The following COBLL1 variants were observed in gnomAD, a reference collection of about 807,000 sequenced individuals.
The protein encoded by COBLL1 is cordon-bleu WH2 repeat protein like 1.
In COBLL1, 50 loss-of-function variants were observed where a neutral mutation model predicts 94.8. The ratio of observed to expected loss-of-function variants is 0.53; its 90% CI spans 0.42 to 0.67. The LOEUF (loss-of-function observed/expected upper bound fraction) is 0.67. COBLL1 is among the 30% of genes least tolerant of loss of function. The pLI, the probability that COBLL1 is intolerant of heterozygous loss-of-function variation, is 0.00. For synonymous variants in COBLL1, 448 were observed against 473.8 expected, an observed-to-expected ratio of 0.95 and a Z score of 0.71; for missense variants, 1,362 against 1,348.7, an observed-to-expected ratio of 1.01 and a Z score of -0.15.
chr2:164,803,792 C>T (rs1260838960), intron 2 of COBLL1, among the ~76,000 whole-genome samples: 8 of 151,826 alleles, frequency 5.3e-5, no homozygotes, highest in Admixed American at 5.2e-4. Context: ...GGTAGTAAGC[C>T]CTAGAGGTAC....
At chr2:164,751,959 A>G (rs1050995685) in intron 2 of COBLL1, among the ~76,000 whole-genome samples, 12 of 152,144 alleles carry the variant, frequency 7.9e-5, no homozygotes, top group African/African-American at 2.9e-4. Context: ...ATTATGATTA[A>G]TATCAGAAAA....
At position 164,700,610 on chromosome 2, in the gene COBLL1, C is replaced by T. The variant is rs377116547; in HGVS notation, c.1372G>A (p.Asp458Asn). 6.2e-5 allele frequency: 100 copies of T among 1,613,722 alleles called. No individual in the cohort carries two copies. The South Asian group carries it at 1.0e-3, about 16-fold the overall frequency. ...CCATTGCCAAGGGCTGAGTCAGGAT[C>T]ATTTTTCAGTGTATTTATTATATCA... ...STDIINTLKNDPDSALGNGSG... is the reference protein window; with the variant it reads ...STDIINTLKNNPDSALGNGSG... The change falls in exon 10 of 14, where the codon GAT becomes AAT. Residue 458 changes from aspartate (D) to asparagine (N), a missense_variant. Transcript: ENST00000652658.
chr2:164,692,087 A>G (rs1222756100), intron 13 of COBLL1, 134 bp downstream of exon 13: 3 of 728,166 alleles, frequency 4.1e-6, no homozygotes, highest in Non-Finnish European at 6.4e-6. Flanking sequence ...CTTTCAGCTT[A>G]TACTTCAAAG....
At chr2:164,696,609 C>A (rs1278707813) in intron 11 of COBLL1, 1 of 152,172 alleles carries the variant, frequency 6.6e-6, no homozygotes, top group African/African-American at 2.4e-5. Context: ...TAACCTTCCT[C>A]TCCCTTGCAC....
intron 1 of COBLL1, among the ~76,000 whole-genome samples, chr2:164,671,452 A>G (rs1458201126): frequency 6.6e-6 from 1 of 152,158 alleles, no homozygotes; most frequent in East Asian, 1.9e-4. Context: ...GCAAAAACAA[A>G]TAGACTCATA....
At chr2:164,708,727 T>C (rs1404300877) in intron 7 of COBLL1, among the ~76,000 whole-genome samples, 1 of 152,234 alleles carries the variant, frequency 6.6e-6, no homozygotes, top group Non-Finnish European at 1.5e-5. Flanking sequence ...CTATGGCAGA[T>C]CTAGTTTACC....
chr2:164,779,941 G>A (rs1280357424), intron 2 of COBLL1, among the ~76,000 whole-genome samples: 3 of 152,148 alleles, frequency 2.0e-5, no homozygotes, highest in Non-Finnish European at 4.4e-5. Flanking sequence ...GAGGCCTAAT[G>A]AGAAACAGGT....
intron 2 of COBLL1, among the ~76,000 whole-genome samples, chr2:164,799,628 G>C (rs984632056): frequency 5.3e-5 from 8 of 152,040 alleles, no homozygotes; most frequent in African/African-American, 1.9e-4. Context: ...TATAATAAAG[G>C]AACTAGAATT....
intron 1 of COBLL1, among the ~76,000 whole-genome samples, chr2:164,670,285 GA>G (rs1263738115): frequency 6.6e-6 from 1 of 151,554 alleles, no homozygotes; most frequent in Admixed American, 6.6e-5. Flanking sequence ...TAGAAAAAGA[GA>G]AAAAAAAGTG....
At chr2:164,788,121 T>G (rs946194647) in intron 2 of COBLL1, among the ~76,000 whole-genome samples, 3 of 152,118 alleles carry the variant, frequency 2.0e-5, no homozygotes, top group Non-Finnish European at 2.9e-5. Flanking sequence ...CTAAACCAAG[T>G]AGAAGGATCT....
downstream of COBLL1, among the ~76,000 whole-genome samples, chr2:164,678,988 C>T (rs1249568701): frequency 6.6e-6 from 1 of 152,184 alleles, no homozygotes; most frequent in Non-Finnish European, 1.5e-5. Flanking sequence ...TGCATGCCCT[C>T]AGAGTCTTTC....
At chr2:164,699,356 G>A in intron 11 of COBLL1, 49 bp downstream of exon 11, 1 of 1,179,468 alleles carries the variant, frequency 8.5e-7, no homozygotes, top group Non-Finnish European at 1.3e-6. Flanking sequence ...ACTGTCCTTG[G>A]CACATAATAA....
rs1317278589 is a variant in COBLL1, at chr2:164,700,725, C to T, written c.1257G>A (p.Glu419=). Residue 419 remains glutamate (E), a synonymous_variant, in exon 10 of 14, where the codon GAG becomes GAA. Coordinates refer to ENST00000652658, the MANE Select transcript of COBLL1 (RefSeq NM_001365672.2). ...AGISSDYSLE[E]IDEKEELSEV... ...CACTCAGTTCTTCCTTTTCATCTAT[C>T]TCTTCAAGGCTATAATCAGAGCTTA... 6.2e-7 allele frequency: 1 copy of T among 1,610,388 alleles called. No individual in the cohort carries two copies. Among genetic ancestry groups the T allele is most frequent in the Non-Finnish European group, 8.5e-7 (1 of 1,176,934 alleles).
chr2:164,801,215 G>A (rs1203599513), intron 2 of COBLL1, among the ~76,000 whole-genome samples: 1 of 151,458 alleles, frequency 6.6e-6, no homozygotes, highest in Non-Finnish European at 1.5e-5. Context: ...CGAGGCAGGC[G>A]GATCACGAGG....
chr2:164,818,233 CATGT>C (rs1684894246), intron 2 of COBLL1, among the ~76,000 whole-genome samples: 1 of 120,014 alleles, frequency 8.3e-6, no homozygotes, highest in African/African-American at 3.3e-5. Flanking sequence ...TATACATATG[CATGT>C]ATGTATACAT....
chr2:164,659,688 T>G (rs984101093), intron 2 of COBLL1, among the ~76,000 whole-genome samples: 2 of 152,206 alleles, frequency 1.3e-5, no homozygotes, highest in Non-Finnish European at 2.9e-5. Context: ...CTATTTGGTG[T>G]CAGGTTGTCC....
intron 2 of COBLL1, among the ~76,000 whole-genome samples, chr2:164,744,451 T>C (rs1276887476): frequency 6.6e-6 from 1 of 152,148 alleles, no homozygotes; most frequent in East Asian, 1.9e-4. Context: ...ATTCCATAGA[T>C]GTAACTTTTT....
intron 2 of COBLL1, among the ~76,000 whole-genome samples, chr2:164,799,018 T>TAAAAAAAAA (rs1574609563): frequency 7.7e-5 from 1 of 12,936 alleles, no homozygotes; most frequent in Non-Finnish European, 1.3e-4. Flanking sequence ...AGACTCCGTC[T>TAAAAAAAAA]CAAAAAAAAA....
intron 13 of COBLL1, chr2:164,687,399 C>T (rs1683355704): frequency 2.3e-6 from 2 of 861,812 alleles, no homozygotes; most frequent in African/African-American, 1.6e-5. Flanking sequence ...CGACATTGAA[C>T]TTGGTGAAGC....
Sources: allele counts gnomAD v4.1 joint callset (sites outside exome capture counted in the v4.1 genomes callset), GRCh38; gene constraint gnomAD v4.1.1; transcripts MANE v1.5; gene names NCBI Gene and HGNC (gene_info 2026-07-23, HGNC 2026-07-21).